The following KLHL18 variants were observed in gnomAD, a reference collection of about 807,000 sequenced individuals.
KLHL18 encodes kelch like family member 18.
KLHL18 carries 38 observed loss-of-function variants against 58.5 expected under a neutral mutation model. The ratio of observed to expected loss-of-function variants is 0.65; its 90% CI spans 0.50 to 0.85. The LOEUF is 0.85. KLHL18 is among the 40% of genes least tolerant of loss of function. The pLI, the probability that KLHL18 is intolerant of heterozygous loss-of-function variation, is 0.00. For missense variants in KLHL18, 624 were observed against 778.4 expected, an observed-to-expected ratio of 0.80 and a Z score of 2.36; for synonymous variants, 303 against 301.9, an observed-to-expected ratio of 1.00 and a Z score of -0.04.
chr3:47,320,160 CCTT>C (rs1703552980), intron 2 of KLHL18, among the ~76,000 whole-genome samples: 1 of 151,978 alleles, frequency 6.6e-6, no homozygotes, highest in East Asian at 1.9e-4. Context: ...CATTTACATC[CCTT>C]CTTATCAGTC....
Position 47,330,029 on chromosome 3 carries a change from C to T in KLHL18, c.480C>T (p.Asn160=). The T allele has an allele frequency of 6.2e-7, 1 of 1,614,138 alleles. No individual in the cohort carries two copies. The highest frequency in any genetic ancestry group is 8.5e-7 in the Non-Finnish European group (1 of 1,180,026). Residue 160 remains asparagine (N), a synonymous_variant, in exon 4 of 10, where the codon AAC becomes AAT. Coordinates refer to ENST00000232766, the MANE Select transcript of KLHL18 (RefSeq NM_025010.5). The part of the protein sequence containing the change: ...MMCAVLYDAA[N]SFIHQHFVEV... Reference sequence around the variant, plus strand: ...GTGCTGTGCTGTACGACGCTGCCAACAGCTTCATCCACCAGCACTTTGTGG... The same window carrying T: ...GTGCTGTGCTGTACGACGCTGCCAATAGCTTCATCCACCAGCACTTTGTGG...
At chr3:47,285,388 G>T (rs1412287584) in intron 1 of KLHL18, among the ~76,000 whole-genome samples, 1 of 152,206 alleles carries the variant, frequency 6.6e-6, no homozygotes, top group Admixed American at 6.5e-5. Context: ...AGAGACTAGT[G>T]AAAAGCAGTA....
chr3:47,334,615 TCA>T lies in KLHL18; in HGVS notation c.762-67_762-66del. 6.3e-7 allele frequency: 1 copy of T among 1,577,844 alleles called. No individual in the cohort carries two copies. Among genetic ancestry groups the T allele is most frequent in the East Asian group, 2.3e-5 (1 of 44,378 alleles). On this transcript the variant is annotated intron_variant, in intron 5 of 9. Transcript: ENST00000232766. This position sits in a 1 kb window ranked among gnomAD's most constrained non-coding sequence, Gnocchi z 4.7. ...TGCAGTTGGCAGTGGAGAGCCAGGC[TCA>T]GAGATGCAAACGAGGACTAAGTCAG...
In KLHL18 at chr3:47,319,683, A is replaced by T; in HGVS notation, c.160A>T (p.Ile54Phe). The change falls in exon 2 of 10, where the codon ATT (isoleucine) becomes TTT (phenylalanine). Residue 54 changes from isoleucine to phenylalanine, a missense_variant. Physicochemically the swap from Ile to Phe is conservative, Grantham distance 21. Coordinates refer to ENST00000232766, the MANE Select transcript of KLHL18 (RefSeq NM_025010.5). Reference sequence around the variant, plus strand: ...GGACCACAAATTCAGTGCCCACCGGATTGTCTTAGCAGCCTCGATCCCGTA... The same window carrying T: ...GGACCACAAATTCAGTGCCCACCGGTTTGTCTTAGCAGCCTCGATCCCGTA... ...IGDHKFSAHRIVLAASIPYFH... is the reference protein window; with the variant it reads ...IGDHKFSAHRFVLAASIPYFH... 1.9e-6 allele frequency: 3 copies of T among 1,613,850 alleles called. No homozygotes were observed. The highest frequency in any genetic ancestry group is 2.5e-6 in the Non-Finnish European group (3 of 1,179,858).
intron 7 of KLHL18, 188 bp downstream of exon 7, chr3:47,336,945 C>G (rs1382160299): frequency 1.7e-5 from 10 of 588,182 alleles, no homozygotes; most frequent in Non-Finnish European, 3.1e-5. Flanking sequence ...AAATATCCAC[C>G]TTGTCCTTTG....
intron 1 of KLHL18, among the ~76,000 whole-genome samples, chr3:47,289,131 T>A: frequency 6.6e-6 from 1 of 152,200 alleles, no homozygotes; most frequent in East Asian, 1.9e-4. Context: ...TCTTTTTGAG[T>A]GACAGCATAA....
chr3:47,293,781 T>C (rs1414045117), intron 1 of KLHL18, among the ~76,000 whole-genome samples: 1 of 152,192 alleles, frequency 6.6e-6, no homozygotes, highest in Non-Finnish European at 1.5e-5. Flanking sequence ...CTCATACTCA[T>C]TATGTCTAAA....
Position 47,336,725 on chromosome 3 carries a change from G to A in KLHL18, c.1089G>A (p.Trp363Ter). 1 of 1,614,204 alleles carries A rather than the reference G, an allele frequency of 6.2e-7. No homozygotes were observed. Among genetic ancestry groups the A allele is most frequent in the Non-Finnish European group, 8.5e-7 (1 of 1,180,014 alleles). The change falls in exon 7 of 10, where the codon TGG (tryptophan) becomes TGA (stop). Residue 363 changes from tryptophan (W) to a stop codon, truncating the protein, a stop_gained. Coordinates refer to ENST00000232766, the MANE Select transcript of KLHL18 (RefSeq NM_025010.5). LOFTEE classifies it high-confidence loss of function. ...VEAYNPETDT[W>*]TRVGSMNSKR... ...CCTACAACCCGGAGACAGACACATG[G>A]ACCAGAGTGGGGAGCATGAATAGCA...
At chr3:47,302,992 T>C (rs949371067) in intron 1 of KLHL18, among the ~76,000 whole-genome samples, 1 of 152,244 alleles carries the variant, frequency 6.6e-6, no homozygotes, top group Non-Finnish European at 1.5e-5. Context: ...TCAGGTATAG[T>C]ATCAATTAGC....
At chr3:47,316,570 T>A (rs1703438448) in intron 1 of KLHL18, among the ~76,000 whole-genome samples, 1 of 112,390 alleles carries the variant, frequency 8.9e-6, no homozygotes, top group Non-Finnish European at 1.8e-5. Flanking sequence ...TATATGTATA[T>A]GTGTGTATAT....
intron 1 of KLHL18, 160 bp downstream of exon 1, chr3:47,283,254 G>T (rs1702522933): frequency 3.1e-6 from 2 of 649,662 alleles, no homozygotes; most frequent in African/African-American, 1.8e-5. Flanking sequence ...AGCAAAAGGG[G>T]ATCGGGGCCG....
At chr3:47,296,111 C>T (rs150407667) in intron 1 of KLHL18, among the ~76,000 whole-genome samples, 27 of 152,286 alleles carry the variant, frequency 1.8e-4, no homozygotes, top group South Asian at 6.2e-4. Flanking sequence ...TTTCAGGTCC[C>T]GCCCCAGACC....
chr3:47,286,561 A>G (rs1702680298), intron 1 of KLHL18, among the ~76,000 whole-genome samples: 1 of 152,182 alleles, frequency 6.6e-6, no homozygotes, highest in Non-Finnish European at 1.5e-5. Flanking sequence ...TGGCCTTGTT[A>G]AAACGCTGGT....
chr3:47,291,913 T>C (rs1702798937), intron 1 of KLHL18, among the ~76,000 whole-genome samples: 1 of 152,246 alleles, frequency 6.6e-6, no homozygotes, highest in Non-Finnish European at 1.5e-5. Context: ...GCCTTCACGC[T>C]CTGCTGGAAC....
At chr3:47,324,294 C>CTTTTTT (rs1559498832) in intron 3 of KLHL18, among the ~76,000 whole-genome samples, 5 of 10,598 alleles carry the variant, frequency 4.7e-4, no homozygotes, top group African/African-American at 1.0e-3. Flanking sequence ...CTTTTTCTTT[C>CTTTTTT]TTTCTTTTTT....
intron 8 of KLHL18, among the ~76,000 whole-genome samples, chr3:47,341,721 T>C (rs1222720244): frequency 6.6e-6 from 1 of 151,022 alleles, no homozygotes; most frequent in Non-Finnish European, 1.5e-5. Flanking sequence ...TGGCATGTGG[T>C]GTGGGGTGAA....
At chr3:47,308,665 A>G (rs1043826384) in intron 1 of KLHL18, among the ~76,000 whole-genome samples, 7 of 152,172 alleles carry the variant, frequency 4.6e-5, no homozygotes, top group African/African-American at 1.7e-4. Flanking sequence ...TGCTGGGATT[A>G]TAGGCGTAAG....
chr3:47,318,365 T>C (rs532293405), intron 1 of KLHL18, among the ~76,000 whole-genome samples: 5 of 152,266 alleles, frequency 3.3e-5, no homozygotes, highest in Non-Finnish European at 7.4e-5. Flanking sequence ...TAAGGATATG[T>C]TATTTAGCTT....
intron 1 of KLHL18, among the ~76,000 whole-genome samples, chr3:47,311,640 C>T (rs1361916313): frequency 5.3e-5 from 8 of 152,166 alleles, no homozygotes; most frequent in Admixed American, 2.0e-4. Context: ...TGCAGTGAGC[C>T]GAGATTGCGC....
Sources: gnomAD v4.1 joint callset for allele counts (sites outside exome capture counted in the v4.1 genomes callset) on GRCh38, gnomAD v4.1.1 for gene constraint, Gnocchi (gnomAD v3.1) non-coding constraint, MANE v1.5 for transcripts, NCBI Gene and HGNC (gene_info 2026-07-23, HGNC 2026-07-21) for gene names.